Variants in ADH1A observed in about 807,000 individuals in gnomAD.
ADH1A encodes alcohol dehydrogenase 1A (class I), alpha polypeptide.
In ADH1A, 29 loss-of-function variants were observed where a neutral mutation model predicts 35.2. The ratio of observed to expected loss-of-function variants is 0.82; its 90% CI spans 0.61 to 1.12. The LOEUF is 1.12. Ranked by LOEUF, ADH1A falls within the 50% of genes most tolerant of loss-of-function variation. ADH1A has a pLI of 0.00. For synonymous variants in ADH1A, 147 were observed against 164.8 expected (o/e 0.89, Z 0.83); for missense variants, 469 against 464.7 (o/e 1.01, Z -0.09).
At position 99,290,927 on chromosome 4, in the gene ADH1A, T is replaced by C. The variant is rs1733273823; in HGVS notation, c.-13A>G. 1 of 1,614,014 alleles carries C rather than the reference T, an allele frequency of 6.2e-7. No individual in the cohort carries two copies. Among genetic ancestry groups the C allele is most frequent in the East Asian group, 2.2e-5 (1 of 44,860 alleles). On this transcript the variant is annotated 5_prime_UTR_variant, in exon 1 of 9. Transcript: ENST00000209668. ...CTGCTGTGCTCATGTTGATTCTGTC[T>C]TCTCTGCAGACCAGGAGACTGGTGA...
intron 3 of ADH1A, among the ~76,000 whole-genome samples, chr4:99,285,205 T>C (rs985522553): frequency 3.3e-5 from 5 of 152,254 alleles, no homozygotes; most frequent in Non-Finnish European, 7.3e-5. Flanking sequence ...TTCCACTAGA[T>C]GTTGGTAAGA....
intron 6 of ADH1A, 41 bp from the exon 7 acceptor site, chr4:99,280,320 G>A (rs28364330): frequency 0.014 from 22,745 of 1,611,108 alleles, 208 homozygotes; most frequent in Middle Eastern, 0.025. Flanking sequence ...ACATGGAGTC[G>A]CATAGTTCCT....
At chr4:99,283,259 T>C (rs1477120802) in intron 5 of ADH1A, among the ~76,000 whole-genome samples, 1 of 152,190 alleles carries the variant, frequency 6.6e-6, no homozygotes, top group Non-Finnish European at 1.5e-5. Flanking sequence ...TGTTCTTGGG[T>C]AGGCTCACTT....
At chr4:99,284,348 G>A in intron 5 of ADH1A, 51 bp downstream of exon 5, 2 of 1,581,184 alleles carry the variant, frequency 1.3e-6, no homozygotes, top group Non-Finnish European at 1.7e-6. Context: ...TTCCCTTTGG[G>A]TTCCTGACAG....
chr4:99,288,474 A>T (rs964824111), intron 1 of ADH1A, among the ~76,000 whole-genome samples: 4 of 152,178 alleles, frequency 2.6e-5, no homozygotes, highest in African/African-American at 9.7e-5. Context: ...AAAATAAAAG[A>T]TGTACACATA....
rs1331767266 is a variant in ADH1A, at chr4:99,282,342, A to C, written c.828+4T>G. On this transcript the variant is annotated splice_donor_region_variant and intron_variant, in intron 6 of 8. Coordinates refer to ENST00000209668, the MANE Select transcript of ADH1A (RefSeq NM_000667.4). The stretch of plus-strand genomic sequence containing the variant: ...GAAATCTCAGGGCATGTCATGGTAC[A>C]TACCATGGTGTCAAGCCGACCGATG... The C allele has an allele frequency of 5.0e-6, 8 of 1,614,216 alleles. No individual in the cohort carries two copies. Among genetic ancestry groups the C allele is most frequent in the Non-Finnish European group, 5.9e-6 (7 of 1,180,020 alleles).
In ADH1A at chr4:99,286,926, TGG is replaced by T. The variant is rs1322529699; in HGVS notation, c.181_182del (p.Pro61ThrfsTer8). The T allele has an allele frequency of 6.2e-7, 1 of 1,614,030 alleles. No homozygotes were observed. The highest frequency in any genetic ancestry group is 1.3e-5 in the African/African-American group (1 of 74,916). ...CCTCATGGCCTAAAATCACAGGAAGTGGGGTCACCATGGTACCACTAACCACG... is the reference window on the plus strand; with the variant it reads ...CCTCATGGCCTAAAATCACAGGAAGTGGTCACCATGGTACCACTAACCACG... ...DHVVSGTMVTPLPVILGHEAA... is the reference protein window; with the variant it reads ...DHVVSGTMVTXLPVILGHEAA... On this transcript the variant is annotated frameshift_variant, in exon 3 of 9. Transcript: ENST00000209668. LOFTEE classifies it high-confidence loss of function.
At chr4:99,279,834 C>A (rs1172963716) in intron 7 of ADH1A, among the ~76,000 whole-genome samples, 1 of 151,962 alleles carries the variant, frequency 6.6e-6, no homozygotes, top group Non-Finnish European at 1.5e-5. Context: ...TAACAGTTGT[C>A]TAAATTTGGG....
At chr4:99,278,921 CAAAAGAAAA>C (rs1386421464) in intron 8 of ADH1A, among the ~76,000 whole-genome samples, 9 of 150,332 alleles carry the variant, frequency 6.0e-5, no homozygotes, top group Non-Finnish European at 1.3e-4. Context: ...TTGTAAACTG[CAAAAGAAAA>C]AAAAGGAAAA....
At chr4:99,288,357 GTA>G (rs1553911243) in intron 1 of ADH1A, among the ~76,000 whole-genome samples, 4 of 150,654 alleles carry the variant, frequency 2.7e-5, no homozygotes, top group Non-Finnish European at 5.9e-5. Flanking sequence ...GTGTGTGTGT[GTA>G]TGTGTGTGTG....
At chr4:99,286,127 T>C (rs1733147125) in intron 3 of ADH1A, among the ~76,000 whole-genome samples, 2 of 151,870 alleles carry the variant, frequency 1.3e-5, no homozygotes, top group Non-Finnish European at 2.9e-5. Context: ...GGTTGGCCCA[T>C]AACATTTTAT....
chr4:99,282,173 GAATAA>G, intron 6 of ADH1A, 168 bp downstream of exon 6: 1 of 1,272,348 alleles, frequency 7.9e-7, no homozygotes, highest in Non-Finnish European at 1.1e-6. Flanking sequence ...ATAGTTGATA[GAATAA>G]AAGATTCCTC....
At chr4:99,289,703 T>A (rs1733244021) in intron 1 of ADH1A, among the ~76,000 whole-genome samples, 2 of 152,200 alleles carry the variant, frequency 1.3e-5, no homozygotes, top group Non-Finnish European at 2.9e-5. Context: ...AAGTTATTGA[T>A]GTTGTGCCCA....
rs1173155163 is a variant in ADH1A at position 99,288,803 on chromosome 4, T to C, written c.19-1138A>G. On this transcript the variant is annotated intron_variant, in intron 1 of 8. Transcript: ENST00000209668. ...TGTGCTCGGTGAGTTATTTGCATTA[T>C]ATTTATTTATAAAATTTATTTTTAA... The C allele has an allele frequency of 7.2e-5, 11 of 152,180 alleles. 1 individual carries two copies. The allele number at this position is 152,180 out of a possible 1,614,324, so 9.4% of individuals were successfully genotyped here. A position where few individuals can be genotyped will look rare whatever the true frequency, so the allele number is the denominator to read the frequency against.
At chr4:99,283,707 G>A (rs945780384) in intron 5 of ADH1A, among the ~76,000 whole-genome samples, 4 of 151,968 alleles carry the variant, frequency 2.6e-5, no homozygotes, top group Non-Finnish European at 5.9e-5. Flanking sequence ...TCTGGGCCTC[G>A]GTTTCATAAA....
chr4:99,284,875 CAT>C (rs969810827), intron 3 of ADH1A, 72 bp from the exon 4 acceptor site: 2 of 1,322,622 alleles, frequency 1.5e-6, no homozygotes, highest in Admixed American at 1.9e-5. Flanking sequence ...ATAAAGCTCA[CAT>C]GTCTTTAAAA....
chr4:99,280,302 C>G lies in ADH1A; in HGVS notation c.829-23G>C, dbSNP rs770304105. On this transcript the variant is annotated intron_variant, in intron 6 of 8. Coordinates refer to ENST00000209668, the MANE Select transcript of ADH1A (RefSeq NM_000667.4). ...CATCTGGAATAAAGTGAACACTTAG[C>G]ATTCTTAACATGGAGTCGCATAGTT... 10 of 1,612,238 alleles carry G rather than the reference C, an allele frequency of 6.2e-6. No individual in the cohort carries two copies. The East Asian group carries it at 1.1e-4, about 18-fold the overall frequency.
Position 99,290,440 on chromosome 4 carries a change from T to C in ADH1A, c.18+457A>G, listed in dbSNP as rs557801385. Among the ~76,000 whole-genome samples the C allele has an allele frequency of 3.9e-5, 6 of 152,318 alleles. No individual in the cohort carries two copies. In the South Asian group the frequency reaches 1.2e-3, roughly 32 times the overall value. ...ATTTTATGTTAAGGTTAAAAGGGTA[T>C]TTCAAAGTCTTCTAAATCAAATCCT... On this transcript the variant is annotated intron_variant, in intron 1 of 8. Coordinates refer to ENST00000209668, the MANE Select transcript of ADH1A (RefSeq NM_000667.4).
intron 6 of ADH1A, chr4:99,281,757 A>G (rs964586173): frequency 1.2e-5 from 2 of 160,824 alleles, no homozygotes; most frequent in South Asian, 1.8e-4. Flanking sequence ...TTGACTTTTC[A>G]AAGTATTCAG....
Sources: allele counts gnomAD v4.1 joint callset (sites outside exome capture counted in the v4.1 genomes callset), GRCh38; gene constraint gnomAD v4.1.1; transcripts MANE v1.5; gene names NCBI Gene and HGNC (gene_info 2026-07-23, HGNC 2026-07-21).